UNC79: variants seen among roughly 807,000 people sequenced by gnomAD.
The protein encoded by UNC79 is unc-79 subunit of NALCN channel complex.
Under a neutral mutation model 283.1 loss-of-function variants are expected in UNC79, and 37 were observed. That is an observed-to-expected ratio of 0.13 (90% CI 0.10 to 0.17). The LOEUF (loss-of-function observed/expected upper bound fraction) is 0.17, where lower values mean the gene tolerates loss of function less well. UNC79 is among the 10% of genes least tolerant of loss of function. UNC79 has a pLI of 1.00. For synonymous variants in UNC79, 1,107 were observed against 1,200.2 expected (o/e 0.92, Z 1.61); for missense variants, 2,272 against 3,211.1 (o/e 0.71, Z 7.07).
chr14:93,565,525 T>A (rs1365901692), intron 14 of UNC79, among the ~76,000 whole-genome samples: 10 of 152,218 alleles, frequency 6.6e-5, no homozygotes, highest in Non-Finnish European at 8.8e-5. Flanking sequence ...TGTTCTTCTA[T>A]AGCTTACAGG....
In UNC79 at chr14:93,619,931, G is replaced by C. The variant is rs545515766; in HGVS notation, c.4387+1577G>C. On this transcript the variant is annotated intron_variant, in intron 29 of 48. Coordinates refer to ENST00000555664, the Ensembl canonical transcript of UNC79. Reference sequence around the variant, plus strand: ...AGCCTTTTCTGTTGCCACTTTGTACGTGGCTTTGGCCTTTCAAAAGGACGA... The same window carrying C: ...AGCCTTTTCTGTTGCCACTTTGTACCTGGCTTTGGCCTTTCAAAAGGACGA... 3.6e-4 allele frequency among the ~76,000 whole-genome samples: 55 copies of C among 152,312 alleles called. 2 individuals are homozygous for C. In the South Asian group the frequency reaches 0.011, roughly 30 times the overall value.
intron 26 of UNC79, among the ~76,000 whole-genome samples, chr14:93,608,560 T>A (rs560445537): frequency 1.1e-4 from 17 of 152,294 alleles, no homozygotes; most frequent in African/African-American, 4.1e-4. Flanking sequence ...AAGGGAAAAC[T>A]GAGGTAAGGA....
At chr14:93,437,971 G>A (rs1461019864) in intron 1 of UNC79, among the ~76,000 whole-genome samples, 4 of 151,968 alleles carry the variant, frequency 2.6e-5, no homozygotes, top group South Asian at 2.1e-4. Flanking sequence ...ATCTTTTGGG[G>A]GATACAATTC....
chr14:93,444,722 G>T (rs1422188095), intron 1 of UNC79, among the ~76,000 whole-genome samples: 2 of 151,864 alleles, frequency 1.3e-5, no homozygotes, highest in Non-Finnish European at 1.5e-5. Context: ...TATATATGTG[G>T]GTCTATCTCT....
At chr14:93,678,636 T>C (rs1285055662) in intron 41 of UNC79, among the ~76,000 whole-genome samples, 3 of 152,246 alleles carry the variant, frequency 2.0e-5, no homozygotes, top group African/African-American at 4.8e-5. Flanking sequence ...AATCTGTTTT[T>C]TAATTCCTAG....
chr14:93,545,157 A>G (rs1004057606), intron 14 of UNC79, among the ~76,000 whole-genome samples: 1 of 152,216 alleles, frequency 6.6e-6, no homozygotes, highest in Non-Finnish European at 1.5e-5. Context: ...CTCAAAGGTG[A>G]TGAACAGGAC....
chr14:93,641,039 TC>T (rs2068981464), intron 32 of UNC79, 105 bp from the exon 36 acceptor site: 1 of 848,136 alleles, frequency 1.2e-6, no homozygotes, highest in South Asian at 2.0e-5. Context: ...CAAGTTGTAT[TC>T]CTGGGAATGT....
At chr14:93,541,339 G>T (rs2061360608) in intron 13 of UNC79, among the ~76,000 whole-genome samples, 1 of 152,154 alleles carries the variant, frequency 6.6e-6, no homozygotes, top group Admixed American at 6.5e-5. Flanking sequence ...GCTATTGACT[G>T]ATTTAATTTC....
chr14:93,586,789 T>C (rs966409484), exon 22 of UNC79: 1 of 1,614,010 alleles, frequency 6.2e-7, no homozygotes. Context: ...AGCCAGACAT[T>C]CTTTTTAATA....
chr14:93,441,255 T>C (rs915631744), intron 1 of UNC79, among the ~76,000 whole-genome samples: 1 of 152,096 alleles, frequency 6.6e-6, no homozygotes, highest in African/African-American at 2.4e-5. Flanking sequence ...GACCCCGTTT[T>C]CTTTTTATTT....
rs2057678995 is a variant in UNC79, at chr14:93,474,307, A to G, written c.362A>G (p.Asp121Gly). 6.5e-7 allele frequency: 1 copy of G among 1,535,942 alleles called. No individual in the cohort carries two copies. Among genetic ancestry groups the G allele is most frequent in the South Asian group, 1.2e-5 (1 of 84,068 alleles). The change falls in exon 3 of 49, where the codon GAC (aspartate) becomes GGC (glycine). Residue 121 changes from aspartate (D) to glycine (G), a missense_variant. Physicochemically the swap from Asp to Gly is moderately conservative, Grantham distance 94. This residue lies in a region of UNC79 where 194 missense variants were observed against 268.9 expected (regional missense o/e 0.72). Transcript: ENST00000555664. The surrounding 1 kb of genome is among the most constrained non-coding windows in gnomAD (Gnocchi z 4.1). ...CAAAGTCGTGATGCTCAGTTGTCAGACTACCCTTCTTTGGACTACCAAGGC... is the reference window on the plus strand; with the variant it reads ...CAAAGTCGTGATGCTCAGTTGTCAGGCTACCCTTCTTTGGACTACCAAGGC...
intron 35 of UNC79, among the ~76,000 whole-genome samples, chr14:93,647,388 TAGAG>T (rs1021660284): frequency 6.6e-6 from 1 of 152,166 alleles, no homozygotes; most frequent in Admixed American, 6.5e-5. Flanking sequence ...GTCTGGGAGA[TAGAG>T]AGTGCCCGGA....
chr14:93,592,835 T>G (rs1013679593), intron 22 of UNC79, among the ~76,000 whole-genome samples: 3 of 152,214 alleles, frequency 2.0e-5, no homozygotes, highest in Non-Finnish European at 4.4e-5. Flanking sequence ...CTTGCTGAGG[T>G]GCAGGATGTT....
chr14:93,349,410 G>A (rs111228934), intron 1 of UNC79, among the ~76,000 whole-genome samples: 10,931 of 152,162 alleles, frequency 0.072, 812 homozygotes, highest in African/African-American at 0.19. Context: ...TTATCCCCTA[G>A]CATGTAATAA....
chr14:93,379,442 A>G (rs2054621355), intron 1 of UNC79, among the ~76,000 whole-genome samples: 1 of 152,100 alleles, frequency 6.6e-6, no homozygotes, highest in African/African-American at 2.4e-5. Context: ...AGTTGGCCAT[A>G]AATATTAAAG....
At chr14:93,418,732 G>A (rs1343814384) in intron 1 of UNC79, among the ~76,000 whole-genome samples, 8 of 151,624 alleles carry the variant, frequency 5.3e-5, no homozygotes, top group African/African-American at 9.7e-5. Context: ...AATGGTGGGC[G>A]CCCCTCCCCC....
At chr14:93,372,061 A>G (rs2054462957) in intron 1 of UNC79, among the ~76,000 whole-genome samples, 1 of 152,224 alleles carries the variant, frequency 6.6e-6, no homozygotes, top group African/African-American at 2.4e-5. Flanking sequence ...AAGTTAAAAG[A>G]AGTTCTTCAG....
chr14:93,623,103 G>A (rs548294796), intron 30 of UNC79, among the ~76,000 whole-genome samples: 2 of 152,296 alleles, frequency 1.3e-5, no homozygotes, highest in South Asian at 4.1e-4. Context: ...TTGGCAATGA[G>A]ATGCATTGGT....
chr14:93,668,715 C>T (rs776454047), intron 40 of UNC79, among the ~76,000 whole-genome samples: 5 of 151,426 alleles, frequency 3.3e-5, no homozygotes, highest in Admixed American at 6.6e-5. Context: ...CATAATGGCA[C>T]GCACCTGTAG....
Sources: allele counts gnomAD v4.1 joint callset (sites outside exome capture counted in the v4.1 genomes callset), GRCh38; gene constraint gnomAD v4.1.1; regional missense constraint gnomAD v4.1.1; non-coding constraint Gnocchi (gnomAD v3.1); transcripts MANE v1.5; gene names NCBI Gene and HGNC (gene_info 2026-07-23, HGNC 2026-07-21).